CHRM5: variants seen among roughly 807,000 people sequenced by gnomAD.
CHRM5 encodes cholinergic receptor muscarinic 5, also known as muscarinic acetylcholine receptor M5.
CHRM5 carries 18 observed loss-of-function variants against 39.0 expected under a neutral mutation model. The ratio of observed to expected loss-of-function variants is 0.46; its 90% CI spans 0.32 to 0.68. CHRM5 has a LOEUF of 0.68. Among genes scored for constraint, CHRM5 ranks in the 30% least tolerant of loss-of-function variants. CHRM5 has a pLI of 0.04. For synonymous variants in CHRM5, 241 were observed against 246.3 expected, an observed-to-expected ratio of 0.98 and a Z score of 0.20; for missense variants, 515 against 651.1, an observed-to-expected ratio of 0.79 and a Z score of 2.28.
At chr15:34,041,288 A>T (rs1243000127) in intron 1 of CHRM5, among the ~76,000 whole-genome samples, 2 of 152,198 alleles carry the variant, frequency 1.3e-5, no homozygotes, top group East Asian at 3.9e-4. Flanking sequence ...CCACTAGCAC[A>T]GATAGATTGG....
intron 2 of CHRM5, among the ~76,000 whole-genome samples, chr15:34,056,373 C>A (rs186824085): frequency 6.6e-5 from 10 of 152,300 alleles, no homozygotes; most frequent in Admixed American, 6.5e-4. Flanking sequence ...TACTAAAATG[C>A]ATTTCCCAAA....
intron 1 of CHRM5, chr15:34,038,925 C>G: frequency 9.5e-7 from 1 of 1,057,066 alleles, no homozygotes; most frequent in Non-Finnish European, 1.1e-6. Context: ...GCCGCCGCCT[C>G]CGCCGCCGCC....
chr15:33,975,341 T>C (rs914680365), intron 1 of CHRM5, among the ~76,000 whole-genome samples: 1 of 152,240 alleles, frequency 6.6e-6, no homozygotes, highest in African/African-American at 2.4e-5. Flanking sequence ...TAGTATTTTC[T>C]AGAGCAAGAG....
chr15:34,063,310 C>T lies in CHRM5; in HGVS notation c.593C>T (p.Ala198Val). The T allele has an allele frequency of 3.1e-6, 5 of 1,614,138 alleles. No individual in the cohort carries two copies. Among genetic ancestry groups the T allele is most frequent in the Non-Finnish European group, 4.2e-6 (5 of 1,180,038 alleles). ...LSEPTITFGT[A>V]IAAFYIPVSV... The stretch of plus-strand genomic sequence containing the variant: ...GAGCCCACCATCACTTTTGGCACTG[C>T]CATTGCTGCCTTCTACATCCCTGTT... The change falls in exon 3 of 3, where the codon GCC becomes GTC. Residue 198 changes from alanine to valine, a missense_variant. Coordinates refer to ENST00000383263, the MANE Select transcript of CHRM5 (RefSeq NM_012125.4). This position sits in a 1 kb window ranked among gnomAD's most constrained non-coding sequence, Gnocchi z 4.1.
chr15:33,992,795 A>G (rs1896785855), intron 1 of CHRM5, among the ~76,000 whole-genome samples: 1 of 152,242 alleles, frequency 6.6e-6, no homozygotes, highest in Non-Finnish European at 1.5e-5. Context: ...CCTTCAGTCT[A>G]ATTGTTGGCA....
chr15:33,983,128 CTG>C (rs373285133), intron 1 of CHRM5, among the ~76,000 whole-genome samples: 11,469 of 134,954 alleles, frequency 0.085, 573 homozygotes, highest in Admixed American at 0.19. Context: ...TGTCCATACT[CTG>C]TGTGTGTGTG....
intron 2 of CHRM5, among the ~76,000 whole-genome samples, chr15:34,062,282 G>A (rs1900358942): frequency 1.3e-5 from 2 of 152,174 alleles, no homozygotes; most frequent in Non-Finnish European, 2.9e-5. Flanking sequence ...TGGGCCGGGC[G>A]CGGTGGCTCA....
intron 1 of CHRM5, chr15:34,039,225 G>A: frequency 4.8e-6 from 2 of 414,968 alleles, no homozygotes; most frequent in Non-Finnish European, 6.6e-6. Context: ...GGGGCGGGGC[G>A]GCCGGCGTCC....
chr15:34,026,253 TAAC>T (rs2140739025), intron 1 of CHRM5, among the ~76,000 whole-genome samples: 1 of 152,316 alleles, frequency 6.6e-6, no homozygotes, highest in African/African-American at 2.4e-5. Context: ...CATCAAATGT[TAAC>T]AGTGGTTATT....
Position 34,064,641 on chromosome 15 carries a change from C to T in CHRM5, c.*325C>T, listed in dbSNP as rs114412022. 3.2e-3 allele frequency: 996 copies of T among 307,700 alleles called. 10 individuals are homozygous for T. The highest frequency in any genetic ancestry group is 0.02 in the African/African-American group (920 of 46,448). 19.1% of individuals were successfully genotyped at this position (307,700 alleles called of 1,614,324 possible). ...ACAGTGACTCAGGGAACTTATGCCC[C>T]TTCTGTAGGAAACAGCAGAGACCAG... On this transcript the variant is annotated 3_prime_UTR_variant, in exon 3 of 3. Transcript: ENST00000383263.
At chr15:34,015,008 A>T (rs1897820359) in intron 1 of CHRM5, among the ~76,000 whole-genome samples, 2 of 152,086 alleles carry the variant, frequency 1.3e-5, no homozygotes, top group African/African-American at 4.8e-5. Flanking sequence ...AAGACAACAG[A>T]AGACTTCTGG....
intron 1 of CHRM5, among the ~76,000 whole-genome samples, chr15:34,017,775 T>C (rs762356417): frequency 7.5e-4 from 114 of 152,278 alleles, no homozygotes; most frequent in South Asian, 1.9e-3. Flanking sequence ...CCACTGAGCC[T>C]GGCCAGTAAG....
intron 1 of CHRM5, among the ~76,000 whole-genome samples, chr15:33,989,450 T>TAA (rs568555472): frequency 1.6e-4 from 23 of 142,492 alleles, no homozygotes; most frequent in South Asian, 4.4e-4. Context: ...GTTTGGAGTT[T>TAA]AAAAAAAAAA....
At position 33,986,127 on chromosome 15, in the gene CHRM5, G is replaced by T. The variant is rs1896449172; in HGVS notation, c.-408+16977G>T. ...TTGTTTTTTGTTTTTTGTTTTTTGA[G>T]ATGGACTCTCGCTCTGTCGCCCAGG... is the stretch of plus-strand genomic sequence containing the variant. On this transcript the variant is annotated intron_variant, in intron 1 of 2. Coordinates refer to ENST00000383263, the MANE Select transcript of CHRM5 (RefSeq NM_012125.4). Among the ~76,000 whole-genome samples, 3 of 149,202 alleles carry T rather than the reference G, an allele frequency of 2.0e-5. No individual in the cohort carries two copies. The South Asian group carries it at 6.4e-4, about 32-fold the overall frequency.
At chr15:34,022,501 C>CA (rs1200788962) in intron 1 of CHRM5, among the ~76,000 whole-genome samples, 10 of 152,160 alleles carry the variant, frequency 6.6e-5, no homozygotes, top group African/African-American at 2.4e-4. Context: ...CAAAGCTCCC[C>CA]ATCCATCAGA....
intron 1 of CHRM5, among the ~76,000 whole-genome samples, chr15:34,027,008 T>TACTTCAAAAA (rs757091684): frequency 0.096 from 14,573 of 152,118 alleles, 910 homozygotes; most frequent in East Asian, 0.33. Flanking sequence ...AAAAATAGAA[T>TACTTCAAAAA]AGAAGTACTT....
At chr15:34,047,276 AC>A (rs1362697368) in intron 2 of CHRM5, among the ~76,000 whole-genome samples, 1 of 151,874 alleles carries the variant, frequency 6.6e-6, no homozygotes, top group African/African-American at 2.4e-5. Flanking sequence ...ACGGGGTTTC[AC>A]CGTGTTAGCC....
At chr15:33,978,804 A>C (rs1896007116) in intron 1 of CHRM5, among the ~76,000 whole-genome samples, 1 of 152,174 alleles carries the variant, frequency 6.6e-6, no homozygotes, top group Admixed American at 6.5e-5. Context: ...TATTAGAAGG[A>C]TATATTAATA....
chr15:34,029,711 TTCA>T (rs2140754364), intron 1 of CHRM5, among the ~76,000 whole-genome samples: 1 of 152,288 alleles, frequency 6.6e-6, no homozygotes, highest in African/African-American at 2.4e-5. Context: ...TACTCATTTT[TTCA>T]TCAAGGTTTG....
Sources: allele counts gnomAD v4.1 joint callset (sites outside exome capture counted in the v4.1 genomes callset), GRCh38; gene constraint gnomAD v4.1.1; non-coding constraint Gnocchi (gnomAD v3.1); transcripts MANE v1.5; gene names NCBI Gene and HGNC (gene_info 2026-07-23, HGNC 2026-07-21).